The following CACNA1B variants were observed in gnomAD, a reference collection of about 807,000 sequenced individuals.
CACNA1B encodes the protein voltage-dependent N-type calcium channel subunit alpha-1B.
A neutral mutation model predicts 247.2 loss-of-function variants in CACNA1B; 70 were observed. The ratio of observed to expected loss-of-function variants is 0.28; its 90% CI spans 0.23 to 0.35. CACNA1B has a LOEUF of 0.35. Ranked by LOEUF, CACNA1B falls within the 10% of genes least tolerant of loss-of-function variation. The probability of loss-of-function intolerance (pLI) is 1.00; values close to 1 mark genes in which losing one functional copy is unlikely to be tolerated. For synonymous variants in CACNA1B, 1,231 were observed against 1,294.4 expected, an observed-to-expected ratio of 0.95 and a Z score of 1.05; for missense variants, 2,367 against 3,197.4, an observed-to-expected ratio of 0.74 and a Z score of 6.26.
chr9:138,110,315 A>G (rs974498364), intron 39 of CACNA1B, among the ~76,000 whole-genome samples: 3 of 151,920 alleles, frequency 2.0e-5, no homozygotes, highest in Non-Finnish European at 2.9e-5. Flanking sequence ...GGGTTTCACC[A>G]TGTTGGCCAG....
intron 10 of CACNA1B, among the ~76,000 whole-genome samples, chr9:137,964,704 A>G (rs1159496010): frequency 6.6e-6 from 1 of 152,186 alleles, no homozygotes; most frequent in Non-Finnish European, 1.5e-5. Context: ...TATCATTTCA[A>G]CAGTCTCAGT....
At chr9:138,046,773 C>A in intron 21 of CACNA1B, 131 bp from the exon 22 acceptor site, 2 of 826,062 alleles carry the variant, frequency 2.4e-6, no homozygotes, top group Non-Finnish European at 3.7e-6. Flanking sequence ...ATTAGCAAAG[C>A]GAAGCTCTGG....
rs7853637 is a variant in CACNA1B at position 138,049,671 on chromosome 9, A to T, written c.3710+356A>T. Among the ~76,000 whole-genome samples, 5 of 152,098 alleles carry T rather than the reference A, an allele frequency of 3.3e-5. 1 individual carries two copies. Among genetic ancestry groups the T allele is most frequent in the African/African-American group, 1.2e-4 (5 of 41,382 alleles). ...CTGGTGTGTCCAGCGTTTGCCTCCC[A>T]GGGTCCTTGGAGGCAACTTCACCTT... On this transcript the variant is annotated intron_variant, in intron 24 of 46. Coordinates refer to ENST00000371372, the MANE Select transcript of CACNA1B (RefSeq NM_000718.4).
chr9:138,092,718 C>T lies in CACNA1B; in HGVS notation c.5095-3766C>T, dbSNP rs563124836. ...GGGAAGTGATAAATGTCCATGAAAT[C>T]GTCACAATTTATGTTCAGAGATTGC... On this transcript the variant is annotated intron_variant, in intron 36 of 46. Coordinates refer to ENST00000371372, the MANE Select transcript of CACNA1B (RefSeq NM_000718.4). Among the ~76,000 whole-genome samples, 11 of 152,278 alleles carry T rather than the reference C, an allele frequency of 7.2e-5. No homozygotes were observed. In the South Asian group the frequency reaches 2.3e-3, roughly 32 times the overall value.
At chr9:137,998,277 G>C (rs753617383) in intron 15 of CACNA1B, among the ~76,000 whole-genome samples, 39 of 152,160 alleles carry the variant, frequency 2.6e-4, no homozygotes, top group Admixed American at 2.2e-3. Context: ...GAAAAATAAA[G>C]GGATACGAAA....
intron 36 of CACNA1B, among the ~76,000 whole-genome samples, chr9:138,090,669 C>G (rs1960844808): frequency 1.5e-5 from 1 of 65,796 alleles, no homozygotes; most frequent in Non-Finnish European, 2.8e-5. Context: ...TATTAATATC[C>G]AAAATATACA....
chr9:138,001,017 T>A (rs545928689), intron 15 of CACNA1B, among the ~76,000 whole-genome samples: 40 of 152,300 alleles, frequency 2.6e-4, no homozygotes, highest in African/African-American at 9.4e-4. Flanking sequence ...TTTTTTTATC[T>A]GCATCACAAA....
intron 44 of CACNA1B, among the ~76,000 whole-genome samples, 161 bp downstream of exon 44, chr9:138,118,929 G>T (rs1265973086): frequency 6.6e-6 from 1 of 152,106 alleles, no homozygotes; most frequent in Non-Finnish European, 1.5e-5. Flanking sequence ...ACCCCGGGCA[G>T]TCCTGTCTGG....
intron 6 of CACNA1B, among the ~76,000 whole-genome samples, chr9:137,948,799 G>A (rs1191475984): frequency 1.3e-5 from 2 of 149,774 alleles, no homozygotes; most frequent in Non-Finnish European, 3.0e-5. Context: ...GTGTGTGTGT[G>A]TGTGGTGTGT....
chr9:137,984,212 G>T lies in CACNA1B; in HGVS notation c.1731G>T (p.Leu577=). The change falls in exon 13 of 47, where the codon CTG becomes CTT. Residue 577 remains leucine, a synonymous_variant. Coordinates refer to ENST00000371372, the MANE Select transcript of CACNA1B (RefSeq NM_000718.4). ...KPGSSFGISV[L]RALRLLRIFK... ...GAAGCTCCTTTGGGATCAGTGTGCT[G>T]CGGGCCCTCCGCCTGCTGAGGATCT... is the stretch of plus-strand genomic sequence containing the variant. 1 of 1,602,500 alleles carries T rather than the reference G, an allele frequency of 6.2e-7. No individual in the cohort carries two copies. Among genetic ancestry groups the T allele is most frequent in the Non-Finnish European group, 8.5e-7 (1 of 1,174,994 alleles).
At chr9:137,895,728 C>A (rs80227008) in intron 3 of CACNA1B, among the ~76,000 whole-genome samples, 79 of 152,292 alleles carry the variant, frequency 5.2e-4, no homozygotes, top group Non-Finnish European at 9.0e-4. Flanking sequence ...AGGACAATTT[C>A]TTTGGAGATT....
At position 137,882,636 on chromosome 9, in the gene CACNA1B, C is replaced by A. The variant is rs776803711; in HGVS notation, c.391-108C>A. 7.6e-7 allele frequency: 1 copy of A among 1,308,490 alleles called. No individual in the cohort carries two copies. The highest frequency in any genetic ancestry group is 1.4e-5 in the African/African-American group (1 of 69,008). The allele number at this position is 1,308,490 out of a possible 1,614,324, so 81.1% of individuals were successfully genotyped here. On this transcript the variant is annotated intron_variant, in intron 2 of 46. Coordinates refer to ENST00000371372, the MANE Select transcript of CACNA1B (RefSeq NM_000718.4). The surrounding 1 kb of genome is among the most constrained non-coding windows in gnomAD (Gnocchi z 4.0). ...CAAGGTGAGGAGGGTCAGACCCTCA[C>A]GATAGCTGTGGCCTGCACATGGTGG...
intron 2 of CACNA1B, among the ~76,000 whole-genome samples, chr9:137,879,985 G>A (rs1408185198): frequency 6.6e-6 from 1 of 152,250 alleles, no homozygotes; most frequent in Non-Finnish European, 1.5e-5. Flanking sequence ...GGCAGAGCAA[G>A]TGGGGGCCCA....
At chr9:137,969,080 G>A in intron 10 of CACNA1B, among the ~76,000 whole-genome samples, 1 of 152,220 alleles carries the variant, frequency 6.6e-6, no homozygotes, top group East Asian at 1.9e-4. Context: ...GCTGCTTGCT[G>A]TCCTTAGGGA....
At chr9:138,032,120 T>TG (rs1958994452) in intron 20 of CACNA1B, among the ~76,000 whole-genome samples, 2 of 152,108 alleles carry the variant, frequency 1.3e-5, no homozygotes, top group Admixed American at 1.3e-4. Flanking sequence ...TACTTTAGAA[T>TG]TCCTTTTATC....
intron 3 of CACNA1B, among the ~76,000 whole-genome samples, chr9:137,896,511 T>A (rs1195247892): frequency 1.3e-5 from 2 of 152,230 alleles, no homozygotes; most frequent in Non-Finnish European, 2.9e-5. Flanking sequence ...CTTTTGATAT[T>A]GCTGAAGTCT....
intron 31 of CACNA1B, among the ~76,000 whole-genome samples, chr9:138,061,008 G>A (rs572380361): frequency 4.6e-5 from 7 of 152,296 alleles, no homozygotes; most frequent in African/African-American, 1.2e-4. Flanking sequence ...TCAGCCCTGC[G>A]CATCCCAAGT....
At chr9:138,016,537 G>A (rs1453822207) in intron 18 of CACNA1B, among the ~76,000 whole-genome samples, 1 of 152,224 alleles carries the variant, frequency 6.6e-6, no homozygotes, top group Non-Finnish European at 1.5e-5. Flanking sequence ...GAACCAGAGT[G>A]GGGTCCAGGT....
chr9:138,112,093 G>A (rs935945714), intron 39 of CACNA1B, among the ~76,000 whole-genome samples: 12 of 151,224 alleles, frequency 7.9e-5, no homozygotes, highest in East Asian at 1.9e-4. Context: ...CTCATTGCCC[G>A]TCCCATGCAC....
Sources: allele counts gnomAD v4.1 joint callset (sites outside exome capture counted in the v4.1 genomes callset), GRCh38; gene constraint gnomAD v4.1.1; non-coding constraint Gnocchi (gnomAD v3.1); transcripts MANE v1.5; gene names NCBI Gene and HGNC (gene_info 2026-07-23, HGNC 2026-07-21).